ABCC5: variants seen among roughly 807,000 people sequenced by gnomAD.
ABCC5 encodes the protein ATP-binding cassette sub-family C member 5.
Under a neutral mutation model 160.9 loss-of-function variants are expected in ABCC5, and 61 were observed. The observed-to-expected ratio is 0.38, with a 90% CI of 0.31 to 0.47. ABCC5 has a LOEUF of 0.47. ABCC5 is among the 20% of genes least tolerant of loss of function. ABCC5 has a pLI of 0.99. For missense variants in ABCC5, 1,308 were observed against 1,813.3 expected, an observed-to-expected ratio of 0.72 and a Z score of 5.06; for synonymous variants, 666 against 700.6, an observed-to-expected ratio of 0.95 and a Z score of 0.78.
At chr3:183,928,595 C>T in intron 27 of ABCC5, 152 bp downstream of exon 27, 1 of 648,970 alleles carries the variant, frequency 1.5e-6, no homozygotes, top group Admixed American at 2.7e-5. Context: ...CAGCTTTTCC[C>T]AGGTATCTGA....
intron 26 of ABCC5, among the ~76,000 whole-genome samples, chr3:183,931,733 A>G (rs1368752193): frequency 6.6e-6 from 1 of 152,132 alleles, no homozygotes; most frequent in African/African-American, 2.4e-5. Flanking sequence ...ATTTGCATAC[A>G]CTCGTAGGTG....
rs1480830971 is a variant in ABCC5, at chr3:183,963,711, G to A, written c.2032-123C>T. 3.6e-6 allele frequency: 3 copies of A among 837,754 alleles called. No individual in the cohort carries two copies. The African/African-American group carries it at 1.0e-4, about 28-fold the overall frequency. 51.9% of individuals were successfully genotyped at this position (837,754 alleles called of 1,614,324 possible). On this transcript the variant is annotated intron_variant, in intron 14 of 29. Transcript: ENST00000334444. The surrounding 1 kb of genome is among the most constrained non-coding windows in gnomAD (Gnocchi z 4.6). ...CTCCTTCTGTCAATTCCCCGCAGAT[G>A]AACTGCCATGCTGATTCCCCGCAGA...
intron 17 of ABCC5, among the ~76,000 whole-genome samples, chr3:183,958,290 T>A (rs1716408998): frequency 6.6e-6 from 1 of 152,222 alleles, no homozygotes; most frequent in Non-Finnish European, 1.5e-5. Flanking sequence ...ACCCAGGTAC[T>A]AAGCATAGTA....
chr3:183,949,335 TAAAAG>T lies in ABCC5; in HGVS notation c.3227+413_3227+417del, dbSNP rs1331517849. 6.6e-6 allele frequency among the ~76,000 whole-genome samples: 1 copy of T among 152,242 alleles called. No homozygotes were observed. Among genetic ancestry groups the T allele is most frequent in the Non-Finnish European group, 1.5e-5 (1 of 68,038 alleles). ...AATGTCATGACTACCTTTTACTACTTAAAAGAAAAAGCAAAACTCTATGAAATATA... is the reference window on the plus strand; with the variant it reads ...AATGTCATGACTACCTTTTACTACTTAAAAAGCAAAACTCTATGAAATATA... On this transcript the variant is annotated intron_variant, in intron 22 of 29. Transcript: ENST00000334444. This position sits in a 1 kb window ranked among gnomAD's most constrained non-coding sequence, Gnocchi z 4.2.
At chr3:183,970,575 G>T (rs1717648848) in intron 11 of ABCC5, among the ~76,000 whole-genome samples, 1 of 151,958 alleles carries the variant, frequency 6.6e-6, no homozygotes, top group Non-Finnish European at 1.5e-5. Context: ...CTCCCAAGTA[G>T]CTGGAACTAT....
chr3:183,937,876 G>C (rs780578906), intron 26 of ABCC5, 25 bp downstream of exon 26: 2 of 1,612,630 alleles, frequency 1.2e-6, no homozygotes, highest in East Asian at 2.2e-5. Context: ...TGACGCACGA[G>C]ACATGCAGGT....
At chr3:183,977,492 G>A (rs764246930) in intron 10 of ABCC5, 25 bp downstream of exon 10, 24 of 1,534,860 alleles carry the variant, frequency 1.6e-5, no homozygotes, top group Middle Eastern at 1.7e-4. Context: ...CTCCTGACAC[G>A]GGGGCAGGGG....
intron 29 of ABCC5, among the ~76,000 whole-genome samples, chr3:183,924,141 C>T (rs1190475325): frequency 1.3e-5 from 2 of 150,758 alleles, no homozygotes; most frequent in African/African-American, 4.9e-5. Flanking sequence ...ACCTCAAATT[C>T]CTTAGTAGCT....
intron 8 of ABCC5, among the ~76,000 whole-genome samples, chr3:183,980,663 G>A (rs543231755): frequency 1.1e-4 from 17 of 151,778 alleles, no homozygotes; most frequent in South Asian, 6.3e-4. Flanking sequence ...TGTTCCTGAA[G>A]GTTACTCAAT....
At chr3:183,957,960 G>A (rs1436815548) in intron 17 of ABCC5, among the ~76,000 whole-genome samples, 10 of 143,442 alleles carry the variant, frequency 7.0e-5, no homozygotes, top group Middle Eastern at 4.2e-3. Context: ...ACATCACATC[G>A]GTTACATGCG....
At chr3:183,925,516 C>G in intron 29 of ABCC5, 39 bp downstream of exon 29, 1 of 1,606,576 alleles carries the variant, frequency 6.2e-7, no homozygotes, top group Non-Finnish European at 8.5e-7. Flanking sequence ...CAGTTTCCTC[C>G]CAGACATGCC....
At chr3:183,933,165 C>CAAAAA (rs55863712) in intron 26 of ABCC5, among the ~76,000 whole-genome samples, 1 of 73,724 alleles carries the variant, frequency 1.4e-5, no homozygotes, top group Non-Finnish European at 2.7e-5. Context: ...GAGACTGTCT[C>CAAAAA]AAAAAAAAAA....
chr3:183,944,222 T>C (rs919063952), intron 24 of ABCC5, among the ~76,000 whole-genome samples: 3 of 151,940 alleles, frequency 2.0e-5, no homozygotes, highest in African/African-American at 7.3e-5. Context: ...TGGCGAAACC[T>C]ATCTCTACAA....
At chr3:184,014,024 C>T (rs1049488760) in intron 2 of ABCC5, among the ~76,000 whole-genome samples, 1 of 152,138 alleles carries the variant, frequency 6.6e-6, no homozygotes. Flanking sequence ...AGGCGCCCGC[C>T]ACCACGCCTG....
chr3:183,961,483 G>A, intron 16 of ABCC5, 28 bp downstream of exon 16: 1 of 1,611,828 alleles, frequency 6.2e-7, no homozygotes, highest in Non-Finnish European at 8.5e-7. Context: ...GACAGAAGGG[G>A]ACACACGCAA....
chr3:183,967,739 C>T lies in ABCC5; in HGVS notation c.1789G>A (p.Val597Met). Residue 597 changes from valine to methionine, a missense_variant, in exon 12 of 30, where the codon GTG (valine) becomes ATG (methionine). Val to Met is a conservative substitution (Grantham distance 21, BLOSUM62 1). Around this residue, in one of 3 missense-constraint regions of ABCC5, gnomAD observed 1,142 missense variants for 1,527.1 expected, o/e 0.75. Transcript: ENST00000334444. ...EGKLVGICGSVGSGKTSLISA... is the reference protein window; with the variant it reads ...EGKLVGICGSMGSGKTSLISA... ...ATGAGAGAGGTTTTTCCACTTCCCA[C>T]ACTGCCACAGATTCCAACCAGTTTA... is the stretch of plus-strand genomic sequence containing the variant. The T allele has an allele frequency of 6.2e-7, 1 of 1,614,014 alleles. No homozygotes were observed.
intron 2 of ABCC5, among the ~76,000 whole-genome samples, chr3:183,995,709 A>C (rs1020987334): frequency 1.3e-5 from 2 of 152,222 alleles, no homozygotes; most frequent in Non-Finnish European, 2.9e-5. Context: ...GGATAGTGTG[A>C]TGCCTTCAAC....
Position 183,965,042 on chromosome 3 carries a change from T to C in ABCC5, c.2031+143A>G, listed in dbSNP as rs368276038. The C allele has an allele frequency of 2.9e-5, 22 of 751,830 alleles. No homozygotes were observed. In the East Asian group the frequency reaches 5.1e-4, roughly 17 times the overall value. 46.6% of individuals were successfully genotyped at this position (751,830 alleles called of 1,614,324 possible). ...TAACATCCCTGCCCTAATGGACACA[T>C]GCTTTCCTAACACAAAGGCCTAATG... On this transcript the variant is annotated intron_variant, in intron 14 of 29. Coordinates refer to ENST00000334444, the MANE Select transcript of ABCC5 (RefSeq NM_005688.4).
intron 5 of ABCC5, 35 bp from the exon 6 acceptor site, chr3:183,983,042 C>A (rs1347147746): frequency 6.5e-7 from 1 of 1,541,360 alleles, no homozygotes; most frequent in Non-Finnish European, 9.0e-7. Flanking sequence ...GTCAACATCT[C>A]CACGGCACTC....
Sources: gnomAD v4.1 joint callset for allele counts (sites outside exome capture counted in the v4.1 genomes callset) on GRCh38, gnomAD v4.1.1 for gene constraint, gnomAD v4.1.1 regional missense constraint, Gnocchi (gnomAD v3.1) non-coding constraint, MANE v1.5 for transcripts, NCBI Gene and HGNC (gene_info 2026-07-23, HGNC 2026-07-21) for gene names.